PIGN: variants seen among roughly 807,000 people sequenced by gnomAD.
The protein encoded by PIGN is phosphatidylinositol glycan anchor biosynthesis class N.
A neutral mutation model predicts 125.4 loss-of-function variants in PIGN; 117 were observed. That is an observed-to-expected ratio of 0.93 (90% CI 0.80 to 1.09). The LOEUF is 1.09. Among genes scored for constraint, PIGN ranks in the 50% least tolerant of loss-of-function variants. The pLI, the probability that PIGN is intolerant of heterozygous loss-of-function variation, is 0.00. For synonymous variants in PIGN, 392 were observed against 377.8 expected (o/e 1.04, Z -0.44); for missense variants, 1,075 against 1,094.9 (o/e 0.98, Z 0.26).
rs371192836 is a variant in PIGN at position 62,143,365 on chromosome 18, C to T, written c.923-19G>A. 8 of 1,438,452 alleles carry T rather than the reference C, an allele frequency of 5.6e-6. No homozygotes were observed. Among genetic ancestry groups the T allele is most frequent in the East Asian group, 2.4e-5 (1 of 42,318 alleles). The allele number at this position is 1,438,452 out of a possible 1,614,324, so 89.1% of individuals were successfully genotyped here. A position where few individuals can be genotyped will look rare whatever the true frequency, so the allele number is the denominator to read the frequency against. Reference sequence around the variant, plus strand: ...CTCCACTCTGAAAGATACAATCAGACACAAGATCTGATGTTAAGATTTAAA... The same window carrying T: ...CTCCACTCTGAAAGATACAATCAGATACAAGATCTGATGTTAAGATTTAAA... On this transcript the variant is annotated intron_variant, in intron 10 of 30. Coordinates refer to ENST00000640252, the MANE Select transcript of PIGN (RefSeq NM_176787.5).
chr18:62,174,116 A>T (rs561665927), intron 1 of PIGN, among the ~76,000 whole-genome samples: 1 of 152,064 alleles, frequency 6.6e-6, no homozygotes, highest in South Asian at 2.1e-4. Context: ...CAGGAGGCTG[A>T]GGCAGGAAAA....
At chr18:62,143,532 A>T (rs1392053712) in intron 10 of PIGN, among the ~76,000 whole-genome samples, 186 bp from the exon 11 acceptor site, 1 of 152,238 alleles carries the variant, frequency 6.6e-6, no homozygotes, top group Non-Finnish European at 1.5e-5. Context: ...TAAAAAAAAC[A>T]AAAAGTAAAT....
At chr18:62,118,083 TTTGGATATTA>T (rs1205963508) in intron 14 of PIGN, among the ~76,000 whole-genome samples, 1 of 152,058 alleles carries the variant, frequency 6.6e-6, no homozygotes, top group Non-Finnish European at 1.5e-5. Context: ...TTTCCTTTCT[TTTGGATATTA>T]TTGGATATTA....
chr18:62,107,051 A>G lies in PIGN; in HGVS notation c.1609T>C (p.Leu537=), dbSNP rs761449593. 6.9e-6 allele frequency: 11 copies of G among 1,588,652 alleles called. No homozygotes were observed. In the East Asian group the frequency reaches 1.4e-4, roughly 20 times the overall value. The change falls in exon 18 of 31, where the codon TTG becomes CTG. Residue 537 remains leucine, a synonymous_variant. Coordinates refer to ENST00000640252, the MANE Select transcript of PIGN (RefSeq NM_176787.5). ...QVIQDLVVSV[L]TYPLSHFVGY... ...ACAAAATGGCTCAGAGGATAGGTCA[A>G]CACTGATACAACAAGGTCCTGAATA...
Position 62,044,562 on chromosome 18 carries a change from T to G in PIGN, c.*1294A>C, listed in dbSNP as rs1186667529. The stretch of plus-strand genomic sequence containing the variant: ...CCATAAAGTAGTATTACAAATAAAT[T>G]ATGACTATACTTCATCATAAATAGA... On this transcript the variant is annotated 3_prime_UTR_variant, in exon 31 of 31. Coordinates refer to ENST00000640252, the MANE Select transcript of PIGN (RefSeq NM_176787.5). The G allele has an allele frequency of 2.0e-5, 3 of 152,336 alleles. No individual in the cohort carries two copies. The highest frequency in any genetic ancestry group is 7.2e-5 in the African/African-American group (3 of 41,578). 9.4% of individuals were successfully genotyped at this position (152,336 alleles called of 1,614,324 possible). A position where few individuals can be genotyped will look rare whatever the true frequency, so the allele number is the denominator to read the frequency against.
rs945267425 is a variant in PIGN at position 62,050,630 on chromosome 18, A to G, written c.2673-4651T>C. ...GACAGTGGGGTTTTCTAGATATACA[A>G]TCATGTCATCTGCAAACAGGGACAA... On this transcript the variant is annotated intron_variant, in intron 30 of 30. Transcript: ENST00000640252. Among the ~76,000 whole-genome samples, 12 of 152,044 alleles carry G rather than the reference A, an allele frequency of 7.9e-5. No individual in the cohort carries two copies. In the South Asian group the frequency reaches 2.1e-3, roughly 26 times the overall value.
chr18:62,049,025 C>T (rs1277838276), intron 30 of PIGN, among the ~76,000 whole-genome samples: 1 of 152,050 alleles, frequency 6.6e-6, no homozygotes, highest in South Asian at 2.1e-4. Context: ...CTACAAAGGA[C>T]ATGAACTCAT....
intron 23 of PIGN, among the ~76,000 whole-genome samples, chr18:62,094,217 C>T (rs2034084902): frequency 6.6e-6 from 1 of 152,082 alleles, no homozygotes; most frequent in Admixed American, 6.6e-5. Context: ...CTTCAATTAT[C>T]CTTGCTTCTT....
intron 30 of PIGN, among the ~76,000 whole-genome samples, chr18:62,060,442 C>A (rs1199610775): frequency 6.6e-6 from 1 of 152,180 alleles, no homozygotes; most frequent in African/African-American, 2.4e-5. Flanking sequence ...GCAGGTCATA[C>A]CTGTTCAATG....
intron 8 of PIGN, among the ~76,000 whole-genome samples, chr18:62,147,846 T>G (rs1185934296): frequency 6.6e-6 from 1 of 152,138 alleles, no homozygotes; most frequent in African/African-American, 2.4e-5. Flanking sequence ...ACACAAGGAA[T>G]AAATAATTAC....
chr18:62,152,868 A>ATAT (rs1175129081), intron 7 of PIGN, among the ~76,000 whole-genome samples: 1 of 144,758 alleles, frequency 6.9e-6, no homozygotes, highest in Non-Finnish European at 1.6e-5. Flanking sequence ...ATATATATAT[A>ATAT]TTTTTTTTTT....
At chr18:62,096,073 T>TC in intron 22 of PIGN, 123 bp from the exon 23 acceptor site, 1 of 521,246 alleles carries the variant, frequency 1.9e-6, no homozygotes, top group South Asian at 3.2e-5. Context: ...GGTGGGCAGA[T>TC]CACCTGAGGT....
At chr18:62,064,042 C>G (rs1489973206) in intron 30 of PIGN, among the ~76,000 whole-genome samples, 5 of 152,024 alleles carry the variant, frequency 3.3e-5, no homozygotes, top group Admixed American at 1.3e-4. Context: ...CAAATCTGCA[C>G]GTTGTGCACA....
chr18:62,124,759 A>G (rs557076479), intron 14 of PIGN, among the ~76,000 whole-genome samples: 9 of 152,128 alleles, frequency 5.9e-5, no homozygotes, highest in African/African-American at 1.9e-4. Context: ...GTTTCCTTTC[A>G]ATGTGTGTGC....
intron 1 of PIGN, among the ~76,000 whole-genome samples, chr18:62,175,525 C>T (rs1362888240): frequency 6.6e-6 from 1 of 152,066 alleles, no homozygotes; most frequent in African/African-American, 2.4e-5. Flanking sequence ...TTCCATTGTT[C>T]CAAGAGTAAT....
intron 8 of PIGN, among the ~76,000 whole-genome samples, chr18:62,147,963 C>T (rs1427271040): frequency 1.3e-5 from 2 of 151,874 alleles, no homozygotes; most frequent in Admixed American, 6.6e-5. Flanking sequence ...TTTTTCTCTG[C>T]TTCAGTAAAT....
intron 28 of PIGN, among the ~76,000 whole-genome samples, chr18:62,079,536 C>G (rs2033346394): frequency 6.6e-6 from 1 of 152,068 alleles, no homozygotes; most frequent in South Asian, 2.1e-4. Context: ...TACAAAAAAT[C>G]TGACCCAGGA....
rs2030381538 is a variant in PIGN at position 62,041,643 on chromosome 18, GTGTGTGTGTGTGTGTGTGTGTGT to G, written c.*4190_*4212del. The stretch of plus-strand genomic sequence containing the variant: ...ACAGGAGCCTACCACCCCGCCGGGT[GTGTGTGTGTGTGTGTGTGTGTGT>G]GTGTGTGTGTGTGTGTGTGTGTGTG... On this transcript the variant is annotated 3_prime_UTR_variant, in exon 31 of 31. Transcript: ENST00000640252. 3 of 59,052 alleles carry G rather than the reference GTGTGTGTGTGTGTGTGTGTGTGT, an allele frequency of 5.1e-5. No homozygotes were observed. The highest frequency in any genetic ancestry group is 7.6e-5 in the African/African-American group (1 of 13,072). 3.7% of individuals were successfully genotyped at this position (59,052 alleles called of 1,614,324 possible). A position where few individuals can be genotyped will look rare whatever the true frequency, so the allele number is the denominator to read the frequency against.
At chr18:62,038,907 G>A (rs1022100789), downstream of PIGN, among the ~76,000 whole-genome samples, 23 of 150,514 alleles carry the variant, frequency 1.5e-4, no homozygotes, top group Non-Finnish European at 3.2e-4. Flanking sequence ...GACACAGTGA[G>A]ACCCTGTCTC....
Sources: gnomAD v4.1 joint callset for allele counts (sites outside exome capture counted in the v4.1 genomes callset) on GRCh38, gnomAD v4.1.1 for gene constraint, MANE v1.5 for transcripts, NCBI Gene and HGNC (gene_info 2026-07-23, HGNC 2026-07-21) for gene names.